Variants in SLC12A1 observed in about 807,000 individuals in gnomAD.
SLC12A1 encodes Na-K-2Cl cotransporter.
A neutral mutation model predicts 130.4 loss-of-function variants in SLC12A1; 89 were observed. The observed-to-expected ratio is 0.68, with a 90% CI of 0.58 to 0.81. The LOEUF (loss-of-function observed/expected upper bound fraction) is 0.81, where lower values mean the gene tolerates loss of function less well. SLC12A1 is among the 40% of genes least tolerant of loss of function. The pLI, the probability that SLC12A1 is intolerant of heterozygous loss-of-function variation, is 0.00. For synonymous variants in SLC12A1, 499 were observed against 460.0 expected (o/e 1.08, Z -1.09); for missense variants, 1,310 against 1,336.4 (o/e 0.98, Z 0.31).
rs142043345 is a variant in SLC12A1, at chr15:48,270,673, T to C, written c.2402+909T>C. Among the ~76,000 whole-genome samples, 371 of 130,368 alleles carry C rather than the reference T, an allele frequency of 2.8e-3. 2 individuals are homozygous for C. Among genetic ancestry groups the C allele is most frequent in the African/African-American group, 1.0e-2 (351 of 35,212 alleles). 85.5% of individuals were successfully genotyped at this position (130,368 alleles called of 152,430 possible). On this transcript the variant is annotated intron_variant, in intron 19 of 26. Transcript: ENST00000380993. ...ATATATATATTATATACTCCAAGTA[T>C]ATATATATTATTTATATATATACAC...
chr15:48,247,269 T>C, intron 12 of SLC12A1, 68 bp from the exon 13 acceptor site: 1 of 1,507,264 alleles, frequency 6.6e-7, no homozygotes, highest in Non-Finnish European at 9.0e-7. Flanking sequence ...TCTTCTTGTT[T>C]GAATCACCTA....
At chr15:48,210,662 C>G (rs377437586) in intron 2 of SLC12A1, among the ~76,000 whole-genome samples, 2 of 149,038 alleles carry the variant, frequency 1.3e-5, no homozygotes, top group African/African-American at 5.0e-5. Flanking sequence ...CAAGACCAGC[C>G]ATGACCAACT....
In SLC12A1 at chr15:48,220,989, T is replaced by C; in HGVS notation, c.621T>C (p.Ala207=). ...GCCTCTCCTGGATTGTTGGAGAAGCTGGAATTGGTAAGCATTTTTCCCCTC... is the reference window on the plus strand; with the variant it reads ...GCCTCTCCTGGATTGTTGGAGAAGCCGGAATTGGTAAGCATTTTTCCCCTC... ...FIRLSWIVGE[A]GIGLGVLIIL... is the part of the protein sequence containing the mutation. Residue 207 remains alanine, a synonymous_variant, in exon 4 of 27, where the codon GCT becomes GCC. Transcript: ENST00000380993. The C allele has an allele frequency of 6.2e-7, 1 of 1,613,864 alleles. No individual in the cohort carries two copies. Among genetic ancestry groups the C allele is most frequent in the Non-Finnish European group, 8.5e-7 (1 of 1,179,744 alleles).
chr15:48,246,724 G>C (rs532049579), intron 11 of SLC12A1, among the ~76,000 whole-genome samples, 185 bp from the exon 12 acceptor site: 15 of 152,276 alleles, frequency 9.9e-5, no homozygotes, highest in African/African-American at 3.6e-4. Context: ...CGGTTGCAGT[G>C]AGCCAAGATC....
At chr15:48,247,500 T>A in intron 13 of SLC12A1, 40 bp downstream of exon 13, 1 of 1,469,516 alleles carries the variant, frequency 6.8e-7, no homozygotes, top group Non-Finnish European at 9.3e-7. Context: ...AACCAAAGAA[T>A]TCTTCTGATT....
At chr15:48,297,868 A>T (rs757885842) in intron 24 of SLC12A1, among the ~76,000 whole-genome samples, 7 of 152,232 alleles carry the variant, frequency 4.6e-5, no homozygotes, top group Non-Finnish European at 8.8e-5. Context: ...GCACCTTTCC[A>T]TAGTAATGAC....
At chr15:48,281,432 G>A (rs565970645) in intron 20 of SLC12A1, among the ~76,000 whole-genome samples, 17 of 152,312 alleles carry the variant, frequency 1.1e-4, no homozygotes, top group South Asian at 2.1e-4. Flanking sequence ...AAGGTATTAC[G>A]GAAATACAGA....
chr15:48,302,019 A>G (rs1017778005), intron 26 of SLC12A1, among the ~76,000 whole-genome samples: 3 of 152,162 alleles, frequency 2.0e-5, no homozygotes, highest in Non-Finnish European at 4.4e-5. Flanking sequence ...CTGGACAACT[A>G]TCCATCAAAG....
At chr15:48,255,034 A>G (rs1009210172) in intron 15 of SLC12A1, among the ~76,000 whole-genome samples, 2 of 152,208 alleles carry the variant, frequency 1.3e-5, no homozygotes, top group African/African-American at 4.8e-5. Context: ...AATGTTTGCT[A>G]AAGAATCTTG....
chr15:48,228,615 C>A, intron 5 of SLC12A1: 2 of 249,854 alleles, frequency 8.0e-6, no homozygotes, highest in Non-Finnish European at 8.4e-6. Context: ...CCTTCTTTCA[C>A]TAAAAACATA....
At chr15:48,253,499 G>A (rs1056076830) in intron 15 of SLC12A1, among the ~76,000 whole-genome samples, 2 of 152,180 alleles carry the variant, frequency 1.3e-5, no homozygotes, top group African/African-American at 4.8e-5. Context: ...ATTTATCCAT[G>A]CTGTTGCATA....
At position 48,288,034 on chromosome 15, in the gene SLC12A1, T is replaced by G. The variant is rs2141114578; in HGVS notation, c.2630-9T>G. 6.2e-7 allele frequency: 1 copy of G among 1,606,272 alleles called. No homozygotes were observed. On this transcript the variant is annotated splice_polypyrimidine_tract_variant and intron_variant, in intron 21 of 26. Transcript: ENST00000380993. The stretch of plus-strand genomic sequence containing the variant: ...GCAAACAGATGCATCAATTCCTCTT[T>G]CGTTTCAGATGGCAGCATTAACACA...
At chr15:48,296,948 C>A (rs1055060218) in intron 24 of SLC12A1, among the ~76,000 whole-genome samples, 8 of 152,100 alleles carry the variant, frequency 5.3e-5, no homozygotes, top group Admixed American at 5.2e-4. Flanking sequence ...GTTATCACCC[C>A]CTGTGTCACT....
rs192659522 is a variant in SLC12A1 at position 48,214,506 on chromosome 15, C to T, written c.421-6128C>T. 2.6e-5 allele frequency among the ~76,000 whole-genome samples: 4 copies of T among 152,166 alleles called. No homozygotes were observed. In the East Asian group the frequency reaches 7.7e-4, roughly 29 times the overall value. ...AGCTATAGTAAATGCACTATGATTA[C>T]AAATTGTGACCATTGGTAGTGATTT... On this transcript the variant is annotated intron_variant, in intron 2 of 26. Transcript: ENST00000380993.
chr15:48,295,955 G>C (rs1036987063), intron 24 of SLC12A1, among the ~76,000 whole-genome samples: 1 of 152,162 alleles, frequency 6.6e-6, no homozygotes, highest in African/African-American at 2.4e-5. Flanking sequence ...CTAGTAGCGC[G>C]TCTGGCACAT....
At chr15:48,274,089 A>C (rs1566851488) in intron 19 of SLC12A1, among the ~76,000 whole-genome samples, 1 of 152,204 alleles carries the variant, frequency 6.6e-6, no homozygotes, top group Non-Finnish European at 1.5e-5. Flanking sequence ...GTTTAGAGTC[A>C]ATTCTGAAAA....
chr15:48,266,307 A>G (rs1252965596), intron 17 of SLC12A1, among the ~76,000 whole-genome samples: 1 of 152,172 alleles, frequency 6.6e-6, no homozygotes, highest in East Asian at 1.9e-4. Context: ...TAGGTACTTT[A>G]TTATTACTAC....
intron 9 of SLC12A1, among the ~76,000 whole-genome samples, chr15:48,236,224 A>G (rs1317182859): frequency 6.6e-6 from 1 of 152,236 alleles, no homozygotes; most frequent in African/African-American, 2.4e-5. Context: ...AGAAATATAC[A>G]TACATGAAAA....
At chr15:48,238,267 C>A (rs1171444092) in intron 9 of SLC12A1, among the ~76,000 whole-genome samples, 2 of 152,030 alleles carry the variant, frequency 1.3e-5, no homozygotes, top group Non-Finnish European at 2.9e-5. Flanking sequence ...GTTGAAATGG[C>A]AGAAGGACAT....
Sources: gnomAD v4.1 joint callset for allele counts (sites outside exome capture counted in the v4.1 genomes callset) on GRCh38, gnomAD v4.1.1 for gene constraint, MANE v1.5 for transcripts, NCBI Gene and HGNC (gene_info 2026-07-23, HGNC 2026-07-21) for gene names.